Variants in SLC25A26 observed in about 807,000 individuals in gnomAD.
SLC25A26 encodes mitochondrial S-adenosylmethionine carrier protein.
Under a neutral mutation model 37.8 loss-of-function variants are expected in SLC25A26, and 36 were observed. That is an observed-to-expected ratio of 0.95 (90% confidence interval 0.73 to 1.26). SLC25A26 has a LOEUF of 1.26. SLC25A26 is among the 50% of genes most tolerant of loss of function. The probability of loss-of-function intolerance (pLI) is 0.00; values close to 1 mark genes in which losing one functional copy is unlikely to be tolerated. For missense variants in SLC25A26, 390 were observed against 331.1 expected, an observed-to-expected ratio of 1.18 and a Z score of -1.38; for synonymous variants, 129 against 122.5, an observed-to-expected ratio of 1.05 and a Z score of -0.35.
chr3:66,369,911 G>T (rs940256327), intron 8 of SLC25A26, among the ~76,000 whole-genome samples: 4 of 152,136 alleles, frequency 2.6e-5, no homozygotes, highest in African/African-American at 7.2e-5. Flanking sequence ...TAACTGGATG[G>T]GTTAAGACAG....
intron 1 of SLC25A26, among the ~76,000 whole-genome samples, chr3:66,190,369 G>A (rs1472616488): frequency 1.3e-5 from 2 of 151,876 alleles, no homozygotes; most frequent in Admixed American, 1.3e-4. Context: ...AAAATGTGTA[G>A]TTCTTATTGA....
intron 5 of SLC25A26, among the ~76,000 whole-genome samples, chr3:66,264,329 A>G (rs1469540220): frequency 1.3e-5 from 2 of 152,146 alleles, no homozygotes; most frequent in Non-Finnish European, 2.9e-5. Context: ...TTATTACTGA[A>G]TTTTGAGGAA....
intron 1 of SLC25A26, among the ~76,000 whole-genome samples, chr3:66,147,324 C>T (rs1402413533): frequency 6.6e-6 from 1 of 151,366 alleles, no homozygotes; most frequent in Non-Finnish European, 1.5e-5. Context: ...CCACCACGTC[C>T]AGATAATTTT....
chr3:66,181,556 A>C (rs1215517413), intron 1 of SLC25A26, among the ~76,000 whole-genome samples: 1 of 152,070 alleles, frequency 6.6e-6, no homozygotes, highest in Non-Finnish European at 1.5e-5. Context: ...ATTTCATTTG[A>C]TTTTTACAGC....
At chr3:66,347,026 A>C (rs918403760) in intron 6 of SLC25A26, among the ~76,000 whole-genome samples, 6 of 152,140 alleles carry the variant, frequency 3.9e-5, no homozygotes, top group East Asian at 1.9e-4. Context: ...TTTAAAAAAA[A>C]AACAACATGT....
chr3:66,279,284 C>T (rs570929803), intron 5 of SLC25A26, among the ~76,000 whole-genome samples: 1 of 152,198 alleles, frequency 6.6e-6, no homozygotes, highest in South Asian at 2.1e-4. Context: ...TGTTAATATT[C>T]ACTGTGTTTG....
At chr3:66,273,730 C>T (rs920706457) in intron 5 of SLC25A26, among the ~76,000 whole-genome samples, 3 of 152,116 alleles carry the variant, frequency 2.0e-5, no homozygotes, top group East Asian at 1.9e-4. Context: ...CTACAAAGCA[C>T]TGCTCAATGA....
At chr3:66,187,572 C>T (rs901602701) in intron 1 of SLC25A26, among the ~76,000 whole-genome samples, 17 of 152,054 alleles carry the variant, frequency 1.1e-4, no homozygotes, top group African/African-American at 3.9e-4. Context: ...CTGAACTTTA[C>T]CCTGAACCTT....
At chr3:66,313,444 ATT>A in intron 5 of SLC25A26, among the ~76,000 whole-genome samples, 1 of 152,108 alleles carries the variant, frequency 6.6e-6, no homozygotes, top group Non-Finnish European at 1.5e-5. Flanking sequence ...GTGCCATCTT[ATT>A]TCTGAGTTCT....
chr3:66,239,095 G>C (rs1285311357), intron 2 of SLC25A26, among the ~76,000 whole-genome samples: 1 of 152,178 alleles, frequency 6.6e-6, no homozygotes, highest in Non-Finnish European at 1.5e-5. Flanking sequence ...TCGATTGTCT[G>C]ATGTCATTTT....
At chr3:66,161,591 C>T (rs536843066) in intron 1 of SLC25A26, among the ~76,000 whole-genome samples, 13 of 151,998 alleles carry the variant, frequency 8.6e-5, no homozygotes, top group Non-Finnish European at 1.5e-4. Context: ...TCGAAGTTAG[C>T]GAGTTCAGGT....
chr3:66,323,882 T>C (rs2075763974), intron 5 of SLC25A26: 3 of 152,204 alleles, frequency 2.0e-5, no homozygotes, highest in Admixed American at 2.0e-4. Context: ...GCGCCAGTTG[T>C]CCCAGCTACT....
chr3:66,348,496 C>G (rs75035383), intron 6 of SLC25A26, among the ~76,000 whole-genome samples: 7,310 of 152,122 alleles, frequency 0.048, 237 homozygotes, highest in South Asian at 0.077. Flanking sequence ...ATAAAATAAT[C>G]TAGGTAGGCA....
At chr3:66,302,283 C>T (rs1376127432) in intron 5 of SLC25A26, among the ~76,000 whole-genome samples, 1 of 152,200 alleles carries the variant, frequency 6.6e-6, no homozygotes. Context: ...TTGCAAACTA[C>T]AAGCTAACAT....
In SLC25A26 at chr3:66,231,742, C is replaced by G. The variant is rs559768702; in HGVS notation, c.34-4802C>G. ...AAGAATATAGTGTATGTTTCTGTGCCAATAAGTATGGGTTTACCTCATTTT... is the reference window on the plus strand; with the variant it reads ...AAGAATATAGTGTATGTTTCTGTGCGAATAAGTATGGGTTTACCTCATTTT... On this transcript the variant is annotated intron_variant, in intron 1 of 9. Transcript: ENST00000354883. Among the ~76,000 whole-genome samples, 6 of 146,972 alleles carry G rather than the reference C, an allele frequency of 4.1e-5. No individual in the cohort carries two copies. In the East Asian group the frequency reaches 1.2e-3, roughly 30 times the overall value.
chr3:66,309,591 G>A (rs1401158708), intron 5 of SLC25A26, among the ~76,000 whole-genome samples: 2 of 151,998 alleles, frequency 1.3e-5, no homozygotes, highest in Non-Finnish European at 2.9e-5. Flanking sequence ...TTTTAATTGT[G>A]ATGTTAGGGT....
intron 5 of SLC25A26, among the ~76,000 whole-genome samples, chr3:66,340,139 C>T (rs2076176195): frequency 6.6e-6 from 1 of 151,974 alleles, no homozygotes; most frequent in African/African-American, 2.4e-5. Context: ...GGTCTGGCAC[C>T]CTTTTCGAAG....
At chr3:66,363,484 A>G (rs947959704) in intron 7 of SLC25A26, among the ~76,000 whole-genome samples, 1 of 152,220 alleles carries the variant, frequency 6.6e-6, no homozygotes, top group African/African-American at 2.4e-5. Context: ...GAGCGAGGTG[A>G]CAATATGCAA....
chr3:66,373,647 C>G (rs915713758), intron 9 of SLC25A26, among the ~76,000 whole-genome samples: 2 of 151,430 alleles, frequency 1.3e-5, no homozygotes, highest in Non-Finnish European at 2.9e-5. Flanking sequence ...AGTTTCTGTC[C>G]TCACCACCCA....
Sources: gnomAD v4.1 joint callset for allele counts (sites outside exome capture counted in the v4.1 genomes callset) on GRCh38, gnomAD v4.1.1 for gene constraint, MANE v1.5 for transcripts, NCBI Gene and HGNC (gene_info 2026-07-23, HGNC 2026-07-21) for gene names.